BMP1: variants seen among roughly 807,000 people sequenced by gnomAD.
The protein encoded by BMP1 is bone morphogenetic protein 1, also known as mammalian tolloid protein.
BMP1 carries 63 observed loss-of-function variants against 116.8 expected under a neutral mutation model. That is an observed-to-expected ratio of 0.54 (90% CI 0.44 to 0.67). BMP1 has a LOEUF of 0.67. Ranked by LOEUF, BMP1 falls within the 30% of genes least tolerant of loss-of-function variation. The probability of loss-of-function intolerance (pLI) is 0.00; values close to 1 mark genes in which losing one functional copy is unlikely to be tolerated. For missense variants in BMP1, 1,183 were observed against 1,358.9 expected, an observed-to-expected ratio of 0.87 and a Z score of 2.04; for synonymous variants, 536 against 533.4, an observed-to-expected ratio of 1.00 and a Z score of -0.07.
At chr8:22,198,577 G>C (rs1829159216) in intron 15 of BMP1, 1 of 155,004 alleles carries the variant, frequency 6.5e-6, no homozygotes, top group Non-Finnish European at 1.4e-5. Context: ...GGCTGGAGCA[G>C]GCCCATGGAT....
rs186366324 is a variant in BMP1, at chr8:22,208,126, C to T, written c.2575+610C>T. Among the ~76,000 whole-genome samples the T allele has an allele frequency of 3.0e-3, 459 of 152,258 alleles. 3 individuals carry two copies. The highest frequency in any genetic ancestry group is 0.011 in the African/African-American group (445 of 41,536). On this transcript the variant is annotated intron_variant, in intron 18 of 19. Transcript: ENST00000306385. The stretch of plus-strand genomic sequence containing the variant: ...CTCAAACTCCTGACCTCAGGTGATC[C>T]GCCCGCCTTGGCCTCCCAAAGTGCT...
At chr8:22,210,328 T>G (rs1244589892) in intron 19 of BMP1, among the ~76,000 whole-genome samples, 2 of 151,612 alleles carry the variant, frequency 1.3e-5, no homozygotes, top group Non-Finnish European at 2.9e-5. Flanking sequence ...GGGGAGGATT[T>G]ATTTTCCTCC....
At chr8:22,205,107 G>C (rs551896276) in intron 16 of BMP1, among the ~76,000 whole-genome samples, 2 of 152,182 alleles carry the variant, frequency 1.3e-5, no homozygotes, top group East Asian at 3.9e-4. Flanking sequence ...GGGTTTGCAG[G>C]TCGGAGTCCA....
At chr8:22,173,801 G>A in intron 2 of BMP1, 86 bp downstream of exon 2, 1 of 1,101,008 alleles carries the variant, frequency 9.1e-7, no homozygotes, top group Non-Finnish European at 1.3e-6. Flanking sequence ...TCCCAGCCAG[G>A]CCCTCCCAGG....
At chr8:22,211,096 A>G (rs1038362001) in intron 19 of BMP1, among the ~76,000 whole-genome samples, 3 of 152,110 alleles carry the variant, frequency 2.0e-5, no homozygotes, top group Admixed American at 1.3e-4. Flanking sequence ...CCTGGGGGGC[A>G]CTGTGCTTCT....
chr8:22,174,251 G>A (rs533551370), intron 2 of BMP1, among the ~76,000 whole-genome samples: 8 of 152,160 alleles, frequency 5.3e-5, no homozygotes, highest in Non-Finnish European at 1.0e-4. Context: ...AGTTGCCCCC[G>A]AAACATGACT....
At position 22,211,999 on chromosome 8, in the gene BMP1, C is replaced by A. The variant is rs1002509396; in HGVS notation, c.*271C>A. 1 of 504,778 alleles carries A rather than the reference C, an allele frequency of 2.0e-6. No homozygotes were observed. Among genetic ancestry groups the A allele is most frequent in the Non-Finnish European group, 3.6e-6 (1 of 279,802 alleles). The allele number at this position is 504,778 out of a possible 1,614,324, so 31.3% of individuals were successfully genotyped here. ...AAGTCATCATTCCTCTCTTAGGGGG[C>A]CCTGCCTGGTGGCAAGAGGGAATGT... On this transcript the variant is annotated 3_prime_UTR_variant, in exon 20 of 20. Transcript: ENST00000306385.
intron 8 of BMP1, among the ~76,000 whole-genome samples, chr8:22,188,935 G>A (rs973905981): frequency 1.3e-5 from 2 of 152,224 alleles, no homozygotes; most frequent in African/African-American, 4.8e-5. Flanking sequence ...AGGCCACGTG[G>A]AGGAGTGGTG....
intron 15 of BMP1, chr8:22,201,258 A>G: frequency 6.4e-7 from 1 of 1,574,138 alleles, no homozygotes; most frequent in East Asian, 2.3e-5. Flanking sequence ...CTTGGACGGA[A>G]TGGGATGGGG....
chr8:22,189,941 G>A (rs1398237578), intron 8 of BMP1, among the ~76,000 whole-genome samples: 1 of 151,944 alleles, frequency 6.6e-6, no homozygotes, highest in African/African-American at 2.4e-5. Flanking sequence ...TTTTTTTCGA[G>A]ACAGAGTCTT....
chr8:22,199,192 T>G, intron 15 of BMP1: 1 of 1,367,312 alleles, frequency 7.3e-7, no homozygotes, highest in Non-Finnish European at 9.8e-7. Flanking sequence ...ACAAGAAACC[T>G]GCAGAGGACC....
At position 22,179,894 on chromosome 8, in the gene BMP1, T is replaced by C; in HGVS notation, c.961+65T>C. ...GGGCCTGAGGGAGGCAGAGGCCAGG[T>C]GCCTGGTGCCACCAAGAAGGCTTAG... On this transcript the variant is annotated intron_variant, in intron 7 of 19. Coordinates refer to ENST00000306385, the MANE Select transcript of BMP1 (RefSeq NM_006129.5). This position sits in a 1 kb window ranked among gnomAD's most constrained non-coding sequence, Gnocchi z 4.6. 2 of 1,508,388 alleles carry C rather than the reference T, an allele frequency of 1.3e-6. No individual in the cohort carries two copies. The highest frequency in any genetic ancestry group is 2.8e-5 in the African/African-American group (2 of 72,188). The allele number at this position is 1,508,388 out of a possible 1,614,324, so 93.4% of individuals were successfully genotyped here.
intron 15 of BMP1, among the ~76,000 whole-genome samples, chr8:22,200,770 C>G (rs537458847): frequency 6.6e-6 from 1 of 152,272 alleles, no homozygotes; most frequent in African/African-American, 2.4e-5. Context: ...TCTCCCCAGC[C>G]CTTCCCAAGT....
At position 22,200,073 on chromosome 8, in the gene BMP1, T is replaced by C. The variant is rs73670379; in HGVS notation, c.2108-1730T>C. On this transcript the variant is annotated intron_variant, in intron 15 of 19. Coordinates refer to ENST00000306385, the MANE Select transcript of BMP1 (RefSeq NM_006129.5). ...CTACCTCATGGTTCATCTATGGAAT[T>C]CTGGGGGTCCACTGGATCCCTCATC... 5.7e-3 allele frequency among the ~76,000 whole-genome samples: 871 copies of C among 152,320 alleles called. 6 individuals are homozygous for C. The highest frequency in any genetic ancestry group is 0.02 in the African/African-American group (828 of 41,564).
Position 22,194,802 on chromosome 8 carries a change from C to T in BMP1, c.1522C>T (p.Arg508Cys), listed in dbSNP as rs376781195. Reference sequence around the variant, plus strand: ...CAGTGAGAGCAGCACCCTCATCGGGCGCTACTGTGGCTATGAGAAGCCTGA... The same window carrying T: ...CAGTGAGAGCAGCACCCTCATCGGGTGCTACTGTGGCTATGAGAAGCCTGA... ...GHSESSTLIG[R>C]YCGYEKPDDI... is the part of the protein sequence containing the mutation. The change falls in exon 12 of 20, where the codon CGC (arginine) becomes TGC (cysteine). Residue 508 changes from arginine to cysteine, a missense_variant. This residue lies in a region of BMP1 where 956 missense variants were observed against 1,135.2 expected (regional missense o/e 0.84). Transcript: ENST00000306385. This position sits in a 1 kb window ranked among gnomAD's most constrained non-coding sequence, Gnocchi z 4.5. The T allele has an allele frequency of 3.5e-5, 57 of 1,614,124 alleles. No homozygotes were observed. In the South Asian group the frequency reaches 3.8e-4, roughly 11 times the overall value.
rs908832962 is a variant in BMP1, at chr8:22,179,516, G to A, written c.837-189G>A. Among the ~76,000 whole-genome samples, 3 of 152,320 alleles carry A rather than the reference G, an allele frequency of 2.0e-5. 1 individual carries two copies. On this transcript the variant is annotated intron_variant, in intron 6 of 19. Transcript: ENST00000306385. The surrounding 1 kb of genome is among the most constrained non-coding windows in gnomAD (Gnocchi z 4.6). ...CCGACTCCTGTGGTGTGGCTGCCAC[G>A]GAGCAGGGTGGCTGCTGGTCAGTGG...
intron 8 of BMP1, among the ~76,000 whole-genome samples, chr8:22,184,800 T>C (rs528157637): frequency 9.2e-5 from 14 of 152,342 alleles, no homozygotes; most frequent in African/African-American, 3.1e-4. Context: ...AGTGGTGAAA[T>C]TGGCATTTGG....
At chr8:22,188,805 T>A (rs1171839292) in intron 8 of BMP1, among the ~76,000 whole-genome samples, 1 of 152,184 alleles carries the variant, frequency 6.6e-6, no homozygotes, top group Non-Finnish European at 1.5e-5. Flanking sequence ...CGTGGTTTCT[T>A]CCTCAGCAGC....
At chr8:22,204,924 G>A (rs925172908) in intron 16 of BMP1, among the ~76,000 whole-genome samples, 8 of 152,236 alleles carry the variant, frequency 5.3e-5, no homozygotes, top group African/African-American at 1.9e-4. Context: ...CAGGATGTGT[G>A]AAGGTTCCGA....
Sources: allele counts gnomAD v4.1 joint callset (sites outside exome capture counted in the v4.1 genomes callset), GRCh38; gene constraint gnomAD v4.1.1; regional missense constraint gnomAD v4.1.1; non-coding constraint Gnocchi (gnomAD v3.1); transcripts MANE v1.5; gene names NCBI Gene and HGNC (gene_info 2026-07-23, HGNC 2026-07-21).